CTTNBP2NL: variants seen among roughly 807,000 people sequenced by gnomAD.
The protein encoded by CTTNBP2NL is CTTNBP2 N-terminal-like protein.
Under a neutral mutation model 32.5 loss-of-function variants are expected in CTTNBP2NL, and 16 were observed. The ratio of observed to expected loss-of-function variants is 0.49; its 90% CI spans 0.33 to 0.75. The LOEUF is 0.75. CTTNBP2NL is among the 30% of genes least tolerant of loss of function. CTTNBP2NL has a pLI of 0.02. For synonymous variants in CTTNBP2NL, 298 were observed against 289.4 expected, an observed-to-expected ratio of 1.03 and a Z score of -0.30; for missense variants, 645 against 756.0, an observed-to-expected ratio of 0.85 and a Z score of 1.72.
intron 3 of CTTNBP2NL, among the ~76,000 whole-genome samples, chr1:112,435,194 G>T (rs553803860): frequency 6.9e-6 from 1 of 144,922 alleles, no homozygotes; most frequent in South Asian, 2.2e-4. Context: ...TCATAGAATT[G>T]AATCATACGT....
chr1:112,425,795 T>G (rs1649375770), intron 3 of CTTNBP2NL, among the ~76,000 whole-genome samples: 1 of 152,034 alleles, frequency 6.6e-6, no homozygotes, highest in South Asian at 2.1e-4. Context: ...TTAATGAGAT[T>G]GAGGCTGCAA....
chr1:112,456,010 C>T lies in CTTNBP2NL; in HGVS notation c.518C>T (p.Ser173Phe). 1.2e-6 allele frequency: 2 copies of T among 1,613,884 alleles called. No individual in the cohort carries two copies. The highest frequency in any genetic ancestry group is 1.7e-6 in the Non-Finnish European group (2 of 1,179,912). ...KLSSQLEEER[S>F]RHKQLSSMLV... ...TCTAGTCAGCTGGAAGAGGAGCGCTCCCGCCACAAGCAGCTCTCATCCATG... is the reference window on the plus strand; with the variant it reads ...TCTAGTCAGCTGGAAGAGGAGCGCTTCCGCCACAAGCAGCTCTCATCCATG... The change falls in exon 6 of 6, where the codon TCC becomes TTC. Residue 173 changes from serine to phenylalanine, a missense_variant. Coordinates refer to ENST00000271277, the MANE Select transcript of CTTNBP2NL (RefSeq NM_018704.3).
At chr1:112,417,297 T>C (rs547354299) in intron 3 of CTTNBP2NL, among the ~76,000 whole-genome samples, 1 of 152,308 alleles carries the variant, frequency 6.6e-6, no homozygotes, top group East Asian at 1.9e-4. Flanking sequence ...GTTGAACAAA[T>C]GAAATGATTG....
intron 1 of CTTNBP2NL, among the ~76,000 whole-genome samples, chr1:112,406,040 T>G (rs1360076955): frequency 1.3e-5 from 2 of 150,226 alleles, no homozygotes; most frequent in African/African-American, 5.0e-5. Context: ...AAAAATTAGC[T>G]GGGCGTGGTG....
upstream of CTTNBP2NL, among the ~76,000 whole-genome samples, chr1:112,391,951 G>T (rs180846735): frequency 2.6e-5 from 4 of 151,510 alleles, no homozygotes; most frequent in African/African-American, 4.9e-5. Context: ...AGATTGGGCC[G>T]CTGCACTCCA....
At chr1:112,418,330 T>C (rs1415300145) in intron 3 of CTTNBP2NL, among the ~76,000 whole-genome samples, 5 of 152,168 alleles carry the variant, frequency 3.3e-5, no homozygotes, top group Non-Finnish European at 7.4e-5. Flanking sequence ...GCAGCTATAC[T>C]CTTCTAGAGC....
At chr1:112,407,565 T>A (rs532041089) in intron 1 of CTTNBP2NL, among the ~76,000 whole-genome samples, 12 of 152,304 alleles carry the variant, frequency 7.9e-5, no homozygotes, top group African/African-American at 2.9e-4. Context: ...TCTTTAGAGA[T>A]CCTGTTTCCA....
At chr1:112,452,335 CTTTTTT>C (rs1157736195) in intron 4 of CTTNBP2NL, among the ~76,000 whole-genome samples, 1,178 of 65,726 alleles carry the variant, frequency 0.018, 35 homozygotes, top group African/African-American at 0.068. Flanking sequence ...CCAGTCTCTT[CTTTTTT>C]TTTTTTTTTT....
intron 3 of CTTNBP2NL, among the ~76,000 whole-genome samples, chr1:112,440,360 T>C (rs1307275386): frequency 6.6e-6 from 1 of 152,240 alleles, no homozygotes; most frequent in Non-Finnish European, 1.5e-5. Flanking sequence ...ATCATTTCTG[T>C]TAGAATTTGC....
At chr1:112,423,694 T>C (rs1649301707) in intron 3 of CTTNBP2NL, among the ~76,000 whole-genome samples, 1 of 152,212 alleles carries the variant, frequency 6.6e-6, no homozygotes, top group African/African-American at 2.4e-5. Flanking sequence ...GCAAAAGTTT[T>C]TCATTTCCAT....
chr1:112,426,543 AAAAG>A (rs1649401700), intron 3 of CTTNBP2NL, among the ~76,000 whole-genome samples: 1 of 152,044 alleles, frequency 6.6e-6, no homozygotes, highest in Non-Finnish European at 1.5e-5. Context: ...AAGAAAAAAG[AAAAG>A]AAAGTAAAAT....
chr1:112,436,897 C>T (rs768227314), intron 3 of CTTNBP2NL, among the ~76,000 whole-genome samples: 3 of 152,104 alleles, frequency 2.0e-5, no homozygotes, highest in African/African-American at 7.2e-5. Flanking sequence ...TAAGTGAGAA[C>T]GTGTGGTATT....
rs1650490247 is a variant in CTTNBP2NL, at chr1:112,459,696, A to G, written c.*2284A>G. 1 of 152,260 alleles carries G rather than the reference A, an allele frequency of 6.6e-6. No homozygotes were observed. The highest frequency in any genetic ancestry group is 2.1e-4 in the South Asian group (1 of 4,836). 9.4% of individuals were successfully genotyped at this position (152,260 alleles called of 1,614,324 possible). The stretch of plus-strand genomic sequence containing the variant: ...AGCCAAAACGAATAGTGTTGATAAA[A>G]TAGCTAAACTTTCTAAACTGGAGAG... On this transcript the variant is annotated 3_prime_UTR_variant, in exon 6 of 6. Transcript: ENST00000271277.
At chr1:112,405,065 C>CT (rs1400060334) in intron 1 of CTTNBP2NL, among the ~76,000 whole-genome samples, 119 of 151,892 alleles carry the variant, frequency 7.8e-4, no homozygotes, top group African/African-American at 2.8e-3. Context: ...AAAACTCCAT[C>CT]TCAAAAAAAA....
intron 3 of CTTNBP2NL, among the ~76,000 whole-genome samples, chr1:112,444,915 C>T (rs1282007054): frequency 6.6e-6 from 1 of 152,048 alleles, no homozygotes; most frequent in Non-Finnish European, 1.5e-5. Context: ...GGTAGTCTGC[C>T]CCCAAATTTA....
chr1:112,401,984 A>G (rs1416083473), intron 1 of CTTNBP2NL, among the ~76,000 whole-genome samples: 5 of 152,250 alleles, frequency 3.3e-5, no homozygotes, highest in African/African-American at 1.2e-4. Flanking sequence ...AAAATAGGAA[A>G]GCACAGGATG....
chr1:112,408,035 C>T (rs1396204006), intron 1 of CTTNBP2NL, among the ~76,000 whole-genome samples: 2 of 151,150 alleles, frequency 1.3e-5, no homozygotes, highest in Admixed American at 1.3e-4. Flanking sequence ...TTTGTAGGGA[C>T]AGGATTTTGC....
chr1:112,427,945 G>A (rs899315764), intron 3 of CTTNBP2NL, among the ~76,000 whole-genome samples: 7 of 151,926 alleles, frequency 4.6e-5, no homozygotes, highest in African/African-American at 1.4e-4. Context: ...CATGAATTGG[G>A]TGGTATATCC....
At chr1:112,446,529 T>C (rs1270140485) in intron 3 of CTTNBP2NL, among the ~76,000 whole-genome samples, 1 of 152,182 alleles carries the variant, frequency 6.6e-6, no homozygotes, top group African/African-American at 2.4e-5. Context: ...ACTAGCTTTT[T>C]GGTTTTACTT....
Sources: gnomAD v4.1 joint callset for allele counts (sites outside exome capture counted in the v4.1 genomes callset) on GRCh38, gnomAD v4.1.1 for gene constraint, MANE v1.5 for transcripts, NCBI Gene and HGNC (gene_info 2026-07-23, HGNC 2026-07-21) for gene names.